The following RBP2 variants were observed in gnomAD, a reference collection of about 807,000 sequenced individuals.
RBP2 encodes retinol binding protein 2.
Under a neutral mutation model 17.0 loss-of-function variants are expected in RBP2, and 17 were observed. That is an observed-to-expected ratio of 1.00 (90% CI 0.68 to 1.50). RBP2 has a LOEUF of 1.50. Ranked by LOEUF, RBP2 falls within the 40% of genes most tolerant of loss-of-function variation. The pLI, the probability that RBP2 is intolerant of heterozygous loss-of-function variation, is 0.00. For missense variants in RBP2, 158 were observed against 168.2 expected (o/e 0.94, Z 0.33); for synonymous variants, 48 against 57.1 (o/e 0.84, Z 0.72).
At position 139,462,247 on chromosome 3, in the gene RBP2, C is replaced by T. The variant is rs1933215125; in HGVS notation, c.117G>A (p.Gln39=). The part of the protein sequence containing the change: ...ATRKIAVRLT[Q]TKVIDQDGDN... ...CACCATCTTGATCAATAACCTTCGT[C>T]TGAGTGAGACGTACTGCAATCTTGC... Residue 39 remains glutamine, a synonymous_variant, in exon 2 of 4, where the codon CAG becomes CAA. Coordinates refer to ENST00000232217, the MANE Select transcript of RBP2 (RefSeq NM_004164.3). The T allele has an allele frequency of 6.2e-7, 1 of 1,614,014 alleles. No individual in the cohort carries two copies. Among genetic ancestry groups the T allele is most frequent in the Non-Finnish European group, 8.5e-7 (1 of 1,180,042 alleles).
In RBP2 at chr3:139,452,972, A is replaced by T; in HGVS notation, c.*144T>A. On this transcript the variant is annotated 3_prime_UTR_variant, in exon 4 of 4. Transcript: ENST00000232217. ...GGGAATATGTCTATCACTGCTACAT[A>T]GGCATTCTGTTTAAAACCCACCCAG... 1 of 812,116 alleles carries T rather than the reference A, an allele frequency of 1.2e-6. No homozygotes were observed. The highest frequency in any genetic ancestry group is 2.1e-6 in the Non-Finnish European group (1 of 480,838). The allele number at this position is 812,116 out of a possible 1,614,324, so 50.3% of individuals were successfully genotyped here.
chr3:139,467,937 A>G (rs1040937029), intron 1 of RBP2, among the ~76,000 whole-genome samples: 5 of 152,162 alleles, frequency 3.3e-5, no homozygotes, highest in Non-Finnish European at 5.9e-5. Flanking sequence ...TCCTCGCTCT[A>G]TAGTCTGGTG....
intron 1 of RBP2, among the ~76,000 whole-genome samples, chr3:139,462,910 T>C (rs1933241202): frequency 2.6e-5 from 4 of 152,130 alleles, no homozygotes; most frequent in Non-Finnish European, 5.9e-5. Flanking sequence ...TTTGGCTCAC[T>C]GCAACCTTGA....
chr3:139,462,307 T>C lies in RBP2; in HGVS notation c.74-17A>G. 1 of 1,613,268 alleles carries C rather than the reference T, an allele frequency of 6.2e-7. No individual in the cohort carries two copies. The highest frequency in any genetic ancestry group is 1.3e-5 in the African/African-American group (1 of 74,882). Reference sequence around the variant, plus strand: ...AATCAATATCTGTTGGCAAAGGGAGTTGTGGAGGTTATGATGTGCTCAGCC... The same window carrying C: ...AATCAATATCTGTTGGCAAAGGGAGCTGTGGAGGTTATGATGTGCTCAGCC... On this transcript the variant is annotated splice_polypyrimidine_tract_variant and intron_variant, in intron 1 of 3. Coordinates refer to ENST00000232217, the MANE Select transcript of RBP2 (RefSeq NM_004164.3).
chr3:139,462,292 T>A lies in RBP2; in HGVS notation c.74-2A>T, dbSNP rs1183960447. 2.5e-6 allele frequency: 4 copies of A among 1,613,966 alleles called. No homozygotes were observed. The highest frequency in any genetic ancestry group is 2.2e-5 in the East Asian group (1 of 44,898). ...TCTTGCGGGTGGCAAAATCAATATC[T>A]GTTGGCAAAGGGAGTTGTGGAGGTT... is the stretch of plus-strand genomic sequence containing the variant. On this transcript the variant is annotated splice_acceptor_variant, in intron 1 of 3. Transcript: ENST00000232217. LOFTEE classifies it high-confidence loss of function.
intron 2 of RBP2, among the ~76,000 whole-genome samples, chr3:139,456,615 C>G (rs1337303069): frequency 6.6e-6 from 1 of 152,142 alleles, no homozygotes; most frequent in African/African-American, 2.4e-5. Flanking sequence ...TGCATGCATG[C>G]ATATGTCTGT....
chr3:139,476,396 T>C lies in RBP2; in HGVS notation c.64A>G (p.Lys22Glu). Residue 22 changes from lysine to glutamate, a missense_variant, in exon 1 of 4, where the codon AAG becomes GAG. Transcript: ENST00000232217. ...ESNENFEGYM[K>E]ALDIDFATRK... The stretch of plus-strand genomic sequence containing the variant: ...CCAGTCTCCTCCTTACCCAGGGCCT[T>C]CATGTAGCCCTCAAAGTTTTCATTA... 6.2e-7 allele frequency: 1 copy of C among 1,613,766 alleles called. No homozygotes were observed. The highest frequency in any genetic ancestry group is 8.5e-7 in the Non-Finnish European group (1 of 1,179,804).
At chr3:139,457,600 T>C (rs1933019072) in intron 2 of RBP2, among the ~76,000 whole-genome samples, 1 of 152,224 alleles carries the variant, frequency 6.6e-6, no homozygotes, top group African/African-American at 2.4e-5. Flanking sequence ...CTTACTCCTA[T>C]ATAAAAATAA....
At chr3:139,459,326 C>T (rs569429996) in intron 2 of RBP2, among the ~76,000 whole-genome samples, 24 of 151,376 alleles carry the variant, frequency 1.6e-4, no homozygotes, top group East Asian at 7.8e-4. Flanking sequence ...GAGGCCGAGG[C>T]GGGTGGATCC....
At chr3:139,474,594 T>G (rs1272862376) in intron 1 of RBP2, among the ~76,000 whole-genome samples, 1 of 152,218 alleles carries the variant, frequency 6.6e-6, no homozygotes, top group Non-Finnish European at 1.5e-5. Context: ...GTTAAAGTAC[T>G]TTTAATTGCT....
At chr3:139,471,318 G>T (rs1007847251) in intron 1 of RBP2, among the ~76,000 whole-genome samples, 1 of 152,168 alleles carries the variant, frequency 6.6e-6, no homozygotes, top group Admixed American at 6.5e-5. Context: ...TAGACTGCAG[G>T]CTCTTAAATG....
intron 2 of RBP2, among the ~76,000 whole-genome samples, chr3:139,455,424 A>G (rs985676897): frequency 2.6e-5 from 4 of 152,174 alleles, no homozygotes; most frequent in African/African-American, 9.7e-5. Context: ...TTCAGATACA[A>G]TTCATCATAT....
At chr3:139,466,993 C>T (rs1377184898) in intron 1 of RBP2, among the ~76,000 whole-genome samples, 1 of 152,180 alleles carries the variant, frequency 6.6e-6, no homozygotes, top group African/African-American at 2.4e-5. Flanking sequence ...TGCCTGCCAA[C>T]AGTACTTAGC....
At chr3:139,461,818 C>G (rs1228225780) in intron 2 of RBP2, among the ~76,000 whole-genome samples, 1 of 152,160 alleles carries the variant, frequency 6.6e-6, no homozygotes, top group Non-Finnish European at 1.5e-5. Flanking sequence ...GCTGTCCCTC[C>G]CTGTGATGTT....
intron 1 of RBP2, chr3:139,466,389 G>C (rs944980575): frequency 1.3e-5 from 2 of 152,170 alleles, no homozygotes; most frequent in African/African-American, 4.8e-5. Flanking sequence ...ACCTGTTTAG[G>C]TAGGACCAAG....
chr3:139,464,353 G>C (rs1169219395), intron 1 of RBP2, among the ~76,000 whole-genome samples: 1 of 152,148 alleles, frequency 6.6e-6, no homozygotes, highest in African/African-American at 2.4e-5. Context: ...AGCTACTCGG[G>C]AGGCTGAGGC....
chr3:139,454,101 TGAA>T (rs1292691707), intron 3 of RBP2, among the ~76,000 whole-genome samples: 5 of 152,190 alleles, frequency 3.3e-5, no homozygotes, highest in African/African-American at 1.2e-4. Context: ...CGAAAAAGGA[TGAA>T]GGAGTGAGAG....
intron 2 of RBP2, among the ~76,000 whole-genome samples, chr3:139,456,363 G>T (rs1049415278): frequency 1.3e-5 from 2 of 152,046 alleles, no homozygotes; most frequent in Non-Finnish European, 2.9e-5. Context: ...ATTTGACCTT[G>T]ACCATATTAT....
chr3:139,463,725 A>G (rs1933270578), intron 1 of RBP2, among the ~76,000 whole-genome samples: 1 of 152,206 alleles, frequency 6.6e-6, no homozygotes, highest in Non-Finnish European at 1.5e-5. Flanking sequence ...CCTTGCTATG[A>G]AATCATCACT....
Sources: allele counts gnomAD v4.1 joint callset (sites outside exome capture counted in the v4.1 genomes callset), GRCh38; gene constraint gnomAD v4.1.1; transcripts MANE v1.5; gene names NCBI Gene and HGNC (gene_info 2026-07-23, HGNC 2026-07-21).